Variants in MAGI3 observed in about 807,000 individuals in gnomAD.
MAGI3 encodes the protein membrane-associated guanylate kinase, WW and PDZ domain-containing protein 3.
Under a neutral mutation model 121.8 loss-of-function variants are expected in MAGI3, and 43 were observed. The ratio of observed to expected loss-of-function variants is 0.35; its 90% confidence interval spans 0.28 to 0.46. MAGI3 has a LOEUF of 0.46. MAGI3 is among the 20% of genes least tolerant of loss of function. The pLI, the probability that MAGI3 is intolerant of heterozygous loss-of-function variation, is 1.00. For synonymous variants in MAGI3, 553 were observed against 639.3 expected, an observed-to-expected ratio of 0.86 and a Z score of 2.04; for missense variants, 1,547 against 1,797.3, an observed-to-expected ratio of 0.86 and a Z score of 2.52.
At chr1:113,571,208 T>G (rs900174380) in intron 2 of MAGI3, among the ~76,000 whole-genome samples, 2 of 152,214 alleles carry the variant, frequency 1.3e-5, no homozygotes, top group African/African-American at 2.4e-5. Context: ...GTTATAGATA[T>G]GTGGTGTCAT....
At chr1:113,588,019 C>T (rs115181288) in intron 4 of MAGI3, among the ~76,000 whole-genome samples, 4,799 of 152,188 alleles carry the variant, frequency 0.032, 112 homozygotes, top group Non-Finnish European at 0.051. Flanking sequence ...GTGAACAAAA[C>T]GGACAAAAAC....
At chr1:113,541,569 C>T (rs532190066) in intron 1 of MAGI3, among the ~76,000 whole-genome samples, 11 of 152,198 alleles carry the variant, frequency 7.2e-5, no homozygotes, top group East Asian at 5.8e-4. Context: ...TTGCCTGTAA[C>T]GAGCGTGGCA....
At chr1:113,449,843 C>T (rs1654389954) in intron 1 of MAGI3, 2 of 1,426,060 alleles carry the variant, frequency 1.4e-6, no homozygotes, top group Admixed American at 1.7e-5. Context: ...TGAGAGACCC[C>T]CAAACAAAAC....
intron 1 of MAGI3, among the ~76,000 whole-genome samples, chr1:113,416,387 T>C (rs1360940790): frequency 5.5e-5 from 6 of 109,980 alleles, no homozygotes; most frequent in East Asian, 2.9e-4. Context: ...ATTAATAATA[T>C]ATATTAATTA....
At chr1:113,428,411 G>A (rs1261391176) in intron 1 of MAGI3, among the ~76,000 whole-genome samples, 1 of 152,088 alleles carries the variant, frequency 6.6e-6, no homozygotes, top group Non-Finnish European at 1.5e-5. Context: ...CACCACATTT[G>A]CAGTATTGCC....
At chr1:113,555,255 T>A (rs1659939902) in intron 2 of MAGI3, among the ~76,000 whole-genome samples, 1 of 152,176 alleles carries the variant, frequency 6.6e-6, no homozygotes, top group Non-Finnish European at 1.5e-5. Context: ...TATTAAAGAT[T>A]GGACAAAATG....
chr1:113,516,700 T>G (rs1466205874), intron 1 of MAGI3, among the ~76,000 whole-genome samples: 1 of 151,970 alleles, frequency 6.6e-6, no homozygotes, highest in African/African-American at 2.4e-5. Context: ...CCCCACTCCT[T>G]AGGTATGAGC....
At chr1:113,470,963 T>C (rs1459381823) in intron 1 of MAGI3, among the ~76,000 whole-genome samples, 1 of 152,228 alleles carries the variant, frequency 6.6e-6, no homozygotes, top group Non-Finnish European at 1.5e-5. Context: ...TGTGTGTGCT[T>C]TGAGCATCAT....
chr1:113,412,523 C>A (rs1220939163), intron 1 of MAGI3, among the ~76,000 whole-genome samples: 1 of 152,178 alleles, frequency 6.6e-6, no homozygotes, highest in Non-Finnish European at 1.5e-5. Context: ...TCCACATCCT[C>A]TCCAGCACCT....
chr1:113,554,391 G>A (rs559735052), intron 2 of MAGI3, among the ~76,000 whole-genome samples: 5 of 151,710 alleles, frequency 3.3e-5, no homozygotes, highest in East Asian at 1.9e-4. Context: ...ACCTGAACAC[G>A]TAGCAATATA....
At chr1:113,621,855 C>T (rs1436736027) in intron 8 of MAGI3, among the ~76,000 whole-genome samples, 1 of 151,682 alleles carries the variant, frequency 6.6e-6, no homozygotes, top group Non-Finnish European at 1.5e-5. Context: ...TTCAAAAAAC[C>T]ACATATTGTC....
At chr1:113,486,200 G>A (rs1188144465) in intron 1 of MAGI3, among the ~76,000 whole-genome samples, 2 of 152,162 alleles carry the variant, frequency 1.3e-5, no homozygotes, top group African/African-American at 4.8e-5. Flanking sequence ...GTTCTGTGAA[G>A]AATGATGGTG....
intron 12 of MAGI3, among the ~76,000 whole-genome samples, chr1:113,648,853 C>T (rs953735078): frequency 6.6e-6 from 1 of 152,136 alleles, no homozygotes; most frequent in Non-Finnish European, 1.5e-5. Context: ...AGTGCCTGTA[C>T]AGATTTAATG....
chr1:113,617,888 T>C (rs866015427), intron 7 of MAGI3, among the ~76,000 whole-genome samples: 3 of 152,178 alleles, frequency 2.0e-5, no homozygotes, highest in African/African-American at 4.8e-5. Flanking sequence ...AGAAGCATAC[T>C]TGAGTGTCAG....
chr1:113,683,893 G>C lies in MAGI3; in HGVS notation c.4325G>C (p.Gly1442Ala). The change falls in exon 21 of 21, where the codon GGA becomes GCA. Residue 1442 changes from glycine to alanine, a missense_variant. Physicochemically the swap from Gly to Ala is moderately conservative, Grantham distance 60. Transcript: ENST00000307546. ...LEAADKNKET[G>A]RFKPESSSPV... is the part of the protein sequence containing the mutation. ...GCAGCTGACAAAAACAAAGAGACTG[G>C]AAGGTTCAAACCGGAAAGCAGTTCT... 1.2e-6 allele frequency: 2 copies of C among 1,612,536 alleles called. No individual in the cohort carries two copies. Among genetic ancestry groups the C allele is most frequent in the Non-Finnish European group, 1.7e-6 (2 of 1,179,286 alleles).
At chr1:113,440,086 C>G (rs1370818900) in intron 1 of MAGI3, among the ~76,000 whole-genome samples, 2 of 151,970 alleles carry the variant, frequency 1.3e-5, no homozygotes, top group African/African-American at 2.4e-5. Flanking sequence ...TCTCTGTTTC[C>G]CCCCTTTAAA....
At chr1:113,677,137 GGA>G (rs1453293355) in intron 19 of MAGI3, among the ~76,000 whole-genome samples, 3 of 152,034 alleles carry the variant, frequency 2.0e-5, no homozygotes, top group Admixed American at 6.6e-5. Context: ...GATTTAGAGA[GGA>G]GAGAGAAAAA....
intron 1 of MAGI3, among the ~76,000 whole-genome samples, chr1:113,421,667 A>G (rs866282065): frequency 1.3e-5 from 2 of 151,922 alleles, no homozygotes; most frequent in Admixed American, 6.6e-5. Flanking sequence ...TACTTGGACC[A>G]TACTCTTAAT....
chr1:113,422,065 T>A lies in MAGI3; in HGVS notation c.316+30716T>A, dbSNP rs1247233308. Reference sequence around the variant, plus strand: ...GCCCATCTCTCTCTCTTTACCCTTTTACTGACTGTAAGGGAGTAAGCTTAG... The same window carrying A: ...GCCCATCTCTCTCTCTTTACCCTTTAACTGACTGTAAGGGAGTAAGCTTAG... On this transcript the variant is annotated intron_variant, in intron 1 of 20. Coordinates refer to ENST00000307546, the MANE Select transcript of MAGI3 (RefSeq NM_001142782.2). The surrounding 1 kb of genome is among the most constrained non-coding windows in gnomAD (Gnocchi z 4.3). Among the ~76,000 whole-genome samples the A allele has an allele frequency of 2.0e-5, 3 of 152,224 alleles. No homozygotes were observed. The highest frequency in any genetic ancestry group is 4.4e-5 in the Non-Finnish European group (3 of 68,032).
Sources: allele counts gnomAD v4.1 joint callset (sites outside exome capture counted in the v4.1 genomes callset), GRCh38; gene constraint gnomAD v4.1.1; non-coding constraint Gnocchi (gnomAD v3.1); transcripts MANE v1.5; gene names NCBI Gene and HGNC (gene_info 2026-07-23, HGNC 2026-07-21).